The following EPS8 variants were observed in gnomAD, a reference collection of about 807,000 sequenced individuals.
EPS8 encodes EGFR pathway substrate 8, signaling adaptor, also known as epidermal growth factor receptor kinase substrate 8.
A neutral mutation model predicts 103.8 loss-of-function variants in EPS8; 42 were observed. That is an observed-to-expected ratio of 0.40 (90% CI 0.32 to 0.52). The LOEUF is 0.52. Ranked by LOEUF, EPS8 falls within the 20% of genes least tolerant of loss-of-function variation. EPS8 has a pLI of 0.40. For synonymous variants in EPS8, 344 were observed against 344.6 expected (o/e 1.00, Z 0.02); for missense variants, 969 against 1,005.1 (o/e 0.96, Z 0.49).
At position 15,776,447 on chromosome 12, in the gene EPS8, A is replaced by G. The variant is rs1177359538; in HGVS notation, c.-22+12714T>C. On this transcript the variant is annotated intron_variant, in intron 1 of 20. Coordinates refer to ENST00000281172, the MANE Select transcript of EPS8 (RefSeq NM_004447.6). This position sits in a 1 kb window ranked among gnomAD's most constrained non-coding sequence, Gnocchi z 4.2. ...ACCTTCCCCTCAAGTTCACATGCAC[A>G]CTCTCAGGAACTAACACAGACCTAG... Among the ~76,000 whole-genome samples the G allele has an allele frequency of 6.6e-6, 1 of 152,004 alleles. No individual in the cohort carries two copies. The highest frequency in any genetic ancestry group is 2.4e-5 in the African/African-American group (1 of 41,412).
At position 15,721,245 on chromosome 12, in the gene EPS8, G is replaced by A. The variant is rs1313725462; in HGVS notation, c.-21-38273C>T. On this transcript the variant is annotated intron_variant, in intron 1 of 20. Transcript: ENST00000281172. This position sits in a 1 kb window ranked among gnomAD's most constrained non-coding sequence, Gnocchi z 4.4. ...AACTTTTCCCATTCACAATCTGTAG[G>A]AAACCCACCCATGTCTGTAATATAC... 2.0e-5 allele frequency among the ~76,000 whole-genome samples: 3 copies of A among 152,044 alleles called. No homozygotes were observed. Among genetic ancestry groups the A allele is most frequent in the African/African-American group, 7.2e-5 (3 of 41,398 alleles).
rs762114731 is a variant in EPS8 at position 15,704,163 on chromosome 12, A to G, written c.-21-21191T>C. On this transcript the variant is annotated intron_variant, in intron 1 of 20. Coordinates refer to ENST00000281172, the MANE Select transcript of EPS8 (RefSeq NM_004447.6). This position sits in a 1 kb window ranked among gnomAD's most constrained non-coding sequence, Gnocchi z 4.6. The stretch of plus-strand genomic sequence containing the variant: ...TAATGGTGTAGTCATTGTGGAAAAC[A>G]GTATGGCAGCTCCTCAAAAAAATCA... 2.0e-5 allele frequency among the ~76,000 whole-genome samples: 3 copies of G among 152,108 alleles called. No individual in the cohort carries two copies. The highest frequency in any genetic ancestry group is 4.4e-5 in the Non-Finnish European group (3 of 68,010).
intron 1 of EPS8, among the ~76,000 whole-genome samples, chr12:15,705,113 GT>G (rs1350918353): frequency 2.0e-5 from 3 of 152,170 alleles, no homozygotes; most frequent in African/African-American, 7.2e-5. Flanking sequence ...CGCTGGTCTA[GT>G]TTTATACCAA....
At position 15,724,513 on chromosome 12, in the gene EPS8, C is replaced by G. The variant is rs141455137; in HGVS notation, c.-21-41541G>C. On this transcript the variant is annotated intron_variant, in intron 1 of 20. Coordinates refer to ENST00000281172, the MANE Select transcript of EPS8 (RefSeq NM_004447.6). ...TGTAAGGGAGACTGTTTACAGACAT[C>G]TCAATATCTGTAAGTATGGATATCA... is the stretch of plus-strand genomic sequence containing the variant. Among the ~76,000 whole-genome samples the G allele has an allele frequency of 1.6e-3, 239 of 152,252 alleles. 11 individuals carry two copies. The East Asian group carries it at 0.039, about 25-fold the overall frequency.
At chr12:15,699,291 G>A (rs373943133) in intron 1 of EPS8, among the ~76,000 whole-genome samples, 2 of 152,204 alleles carry the variant, frequency 1.3e-5, no homozygotes, top group African/African-American at 4.8e-5. Flanking sequence ...AAAGAAAATA[G>A]TATGAAGATG....
rs964641767 is a variant in EPS8 at position 15,711,499 on chromosome 12, G to A, written c.-21-28527C>T. Among the ~76,000 whole-genome samples the A allele has an allele frequency of 3.3e-5, 5 of 152,186 alleles. No homozygotes were observed. The South Asian group carries it at 1.0e-3, about 32-fold the overall frequency. ...TAACTCAAGCTACTGCAGACACAAGGGTATCTTACTAAAGGTGGGGACAGG... is the reference window on the plus strand; with the variant it reads ...TAACTCAAGCTACTGCAGACACAAGAGTATCTTACTAAAGGTGGGGACAGG... On this transcript the variant is annotated intron_variant, in intron 1 of 20. Coordinates refer to ENST00000281172, the MANE Select transcript of EPS8 (RefSeq NM_004447.6).
intron 8 of EPS8, among the ~76,000 whole-genome samples, chr12:15,663,976 T>TATATATATATACACAC (rs35142421): frequency 1.9e-5 from 2 of 104,450 alleles, no homozygotes; most frequent in East Asian, 6.0e-4. Context: ...TATATATATA[T>TATATATATATACACAC]ACACACACAC....
At chr12:15,626,087 T>G (rs1194690221) in intron 18 of EPS8, among the ~76,000 whole-genome samples, 4 of 152,164 alleles carry the variant, frequency 2.6e-5, no homozygotes, top group African/African-American at 9.7e-5. Flanking sequence ...TAATGACAAT[T>G]CTATCTTTCC....
At chr12:15,678,073 A>G (rs542335831) in intron 3 of EPS8, among the ~76,000 whole-genome samples, 1 of 151,998 alleles carries the variant, frequency 6.6e-6, no homozygotes, top group South Asian at 2.1e-4. Context: ...TCTCTTTTCC[A>G]TGTTGTTATA....
Position 15,781,539 on chromosome 12 carries a change from G to A in EPS8, c.-22+7622C>T, listed in dbSNP as rs1195505175. On this transcript the variant is annotated intron_variant, in intron 1 of 20. Transcript: ENST00000281172. The surrounding 1 kb of genome is among the most constrained non-coding windows in gnomAD (Gnocchi z 4.1). ...TTAAAGGGCTCTTGTAACAGTGAAA[G>A]AAGATAATGTATGTAACACCTGCCA... is the stretch of plus-strand genomic sequence containing the variant. Among the ~76,000 whole-genome samples the A allele has an allele frequency of 6.6e-6, 1 of 152,172 alleles. No individual in the cohort carries two copies. The highest frequency in any genetic ancestry group is 1.5e-5 in the Non-Finnish European group (1 of 68,030).
chr12:15,729,152 A>AC (rs1372944387), intron 1 of EPS8, among the ~76,000 whole-genome samples: 4 of 152,024 alleles, frequency 2.6e-5, no homozygotes, highest in Admixed American at 6.6e-5. Flanking sequence ...AGGTGAAGTC[A>AC]CCCCCCGACC....
At chr12:15,654,862 T>C (rs7300255) in intron 12 of EPS8, among the ~76,000 whole-genome samples, 137,981 of 152,114 alleles carry the variant, frequency 0.91, 63,444 homozygotes, top group Non-Finnish European at 0.98. Flanking sequence ...AGAAAATTCC[T>C]CTGATTTAAT....
chr12:15,620,261 T>G lies in EPS8; in HGVS notation c.*1056A>C, dbSNP rs1944841423. The G allele has an allele frequency of 6.6e-6, 1 of 152,648 alleles. No individual in the cohort carries two copies. The highest frequency in any genetic ancestry group is 2.4e-5 in the African/African-American group (1 of 41,452). The allele number at this position is 152,648 out of a possible 1,614,324, so 9.5% of individuals were successfully genotyped here. On this transcript the variant is annotated 3_prime_UTR_variant, in exon 21 of 21. Transcript: ENST00000281172. ...GAATCTAGATAATTTCTCTAAATGA[T>G]TTATGTTAAAATATACAACATTCTT...
At position 15,727,597 on chromosome 12, in the gene EPS8, C is replaced by T. The variant is rs566694386; in HGVS notation, c.-21-44625G>A. Among the ~76,000 whole-genome samples the T allele has an allele frequency of 6.6e-6, 1 of 152,196 alleles. No individual in the cohort carries two copies. The highest frequency in any genetic ancestry group is 6.5e-5 in the Admixed American group (1 of 15,288). ...GAATAAGGCTGGGCACAGTGGCTCACGCCTGTAATTCCAGCACCTTGGGAG... is the reference window on the plus strand; with the variant it reads ...GAATAAGGCTGGGCACAGTGGCTCATGCCTGTAATTCCAGCACCTTGGGAG... On this transcript the variant is annotated intron_variant, in intron 1 of 20. Transcript: ENST00000281172. The surrounding 1 kb of genome is among the most constrained non-coding windows in gnomAD (Gnocchi z 4.3).
In EPS8 at chr12:15,717,140, C is replaced by T. The variant is rs993881995; in HGVS notation, c.-21-34168G>A. 1.3e-5 allele frequency among the ~76,000 whole-genome samples: 2 copies of T among 152,180 alleles called. No individual in the cohort carries two copies. Among genetic ancestry groups the T allele is most frequent in the South Asian group, 4.1e-4 (2 of 4,822 alleles). ...GGACAGGAGATGCAATATGACTTATCTTTGGGAGAATCATATCTAACTACA... is the reference window on the plus strand; with the variant it reads ...GGACAGGAGATGCAATATGACTTATTTTTGGGAGAATCATATCTAACTACA... On this transcript the variant is annotated intron_variant, in intron 1 of 20. Coordinates refer to ENST00000281172, the MANE Select transcript of EPS8 (RefSeq NM_004447.6). The surrounding 1 kb of genome is among the most constrained non-coding windows in gnomAD (Gnocchi z 4.3).
rs974214009 is a variant in EPS8 at position 15,693,284 on chromosome 12, G to A, written c.-21-10312C>T. On this transcript the variant is annotated intron_variant, in intron 1 of 20. Transcript: ENST00000281172. This position sits in a 1 kb window ranked among gnomAD's most constrained non-coding sequence, Gnocchi z 5.6. ...CAATAAGTGGAAGAAGTCAGCCAGG[G>A]TTGTCTTACTGTTTACTAAGCATTT... is the stretch of plus-strand genomic sequence containing the variant. Among the ~76,000 whole-genome samples the A allele has an allele frequency of 6.6e-6, 1 of 152,180 alleles. No individual in the cohort carries two copies. The highest frequency in any genetic ancestry group is 2.4e-5 in the African/African-American group (1 of 41,448).
chr12:15,770,471 C>G (rs1465928193), intron 1 of EPS8, among the ~76,000 whole-genome samples: 2 of 152,046 alleles, frequency 1.3e-5, no homozygotes, highest in Non-Finnish European at 2.9e-5. Context: ...CTCTCACTGT[C>G]TTACTCATAA....
At position 15,780,334 on chromosome 12, in the gene EPS8, G is replaced by T. The variant is rs1947247256; in HGVS notation, c.-22+8827C>A. ...AACCTATTCCGCACATGTCAAACAT[G>T]CTCATCTTTCTACCTGGAGAGAGAT... On this transcript the variant is annotated intron_variant, in intron 1 of 20. Transcript: ENST00000281172. The surrounding 1 kb of genome is among the most constrained non-coding windows in gnomAD (Gnocchi z 4.1). 6.6e-6 allele frequency among the ~76,000 whole-genome samples: 1 copy of T among 151,848 alleles called. No individual in the cohort carries two copies. The highest frequency in any genetic ancestry group is 6.6e-5 in the Admixed American group (1 of 15,234).
At chr12:15,662,155 A>G in intron 8 of EPS8, 56 bp from the exon 9 acceptor site, 1 of 1,568,676 alleles carries the variant, frequency 6.4e-7, no homozygotes, top group Non-Finnish European at 8.8e-7. Context: ...ATACCAATAC[A>G]GACAATTAAA....
Sources: allele counts gnomAD v4.1 joint callset (sites outside exome capture counted in the v4.1 genomes callset), GRCh38; gene constraint gnomAD v4.1.1; non-coding constraint Gnocchi (gnomAD v3.1); transcripts MANE v1.5; gene names NCBI Gene and HGNC (gene_info 2026-07-23, HGNC 2026-07-21).